Variants in RNF130 observed in about 807,000 individuals in gnomAD.
The protein encoded by RNF130 is ring finger protein 130.
A neutral mutation model predicts 44.6 loss-of-function variants in RNF130; 21 were observed. That is an observed-to-expected ratio of 0.47 (90% confidence interval 0.33 to 0.68). RNF130 has a LOEUF of 0.68. RNF130 is among the 30% of genes least tolerant of loss of function. The pLI is 0.02. For synonymous variants in RNF130, 214 were observed against 210.4 expected, an observed-to-expected ratio of 1.02 and a Z score of -0.15; for missense variants, 479 against 560.6, an observed-to-expected ratio of 0.85 and a Z score of 1.47.
intron 7 of RNF130, among the ~76,000 whole-genome samples, chr5:179,932,251 C>T (rs1761819846): frequency 6.6e-6 from 1 of 152,104 alleles, no homozygotes; most frequent in Non-Finnish European, 1.5e-5. Context: ...CATTTCAAGA[C>T]CTTTAATACA....
chr5:180,029,432 G>C (rs1231729774), intron 2 of RNF130, among the ~76,000 whole-genome samples: 3 of 152,070 alleles, frequency 2.0e-5, no homozygotes, highest in Non-Finnish European at 2.9e-5. Flanking sequence ...CAACAGCCTA[G>C]AAGTTCAAAG....
rs139545452 is a variant in RNF130 at position 179,926,871 on chromosome 5, C to A, written c.1151-6445G>T. Among the ~76,000 whole-genome samples, 316 of 152,170 alleles carry A rather than the reference C, an allele frequency of 2.1e-3. 4 individuals are homozygous for A. Among genetic ancestry groups the A allele is most frequent in the Non-Finnish European group, 3.6e-3 (244 of 68,006 alleles). On this transcript the variant is annotated intron_variant, in intron 7 of 7. Transcript: ENST00000522208. ...CCTGATGCCATTTCCAGGTAGACAG[C>A]GTTGGAACTGAATTGAATTGAGGGA...
intron 1 of RNF130, among the ~76,000 whole-genome samples, chr5:180,069,250 A>C (rs1217704725): frequency 6.6e-6 from 1 of 152,180 alleles, no homozygotes; most frequent in Non-Finnish European, 1.5e-5. Flanking sequence ...GATTTTTTTA[A>C]ATCTGTTTTG....
intron 3 of RNF130, among the ~76,000 whole-genome samples, chr5:179,992,105 C>T (rs1763096318): frequency 6.6e-6 from 1 of 152,186 alleles, no homozygotes; most frequent in Admixed American, 6.5e-5. Context: ...TATCCATGGT[C>T]TAGATCATTG....
chr5:179,931,124 C>T (rs936936779), intron 7 of RNF130, among the ~76,000 whole-genome samples: 1 of 151,748 alleles, frequency 6.6e-6, no homozygotes, highest in Non-Finnish European at 1.5e-5. Flanking sequence ...ACATGGTGAC[C>T]GCATGACTGA....
intron 3 of RNF130, among the ~76,000 whole-genome samples, chr5:180,000,639 T>C (rs1763312834): frequency 2.0e-5 from 3 of 152,242 alleles, no homozygotes; most frequent in African/African-American, 7.2e-5. Flanking sequence ...TATCTTCAAG[T>C]TGAGAGATTC....
intron 1 of RNF130, among the ~76,000 whole-genome samples, chr5:180,060,954 A>G (rs1255226802): frequency 1.3e-5 from 2 of 151,034 alleles, no homozygotes; most frequent in East Asian, 3.9e-4. Context: ...CTGTAGTCCC[A>G]GCTACGCGGG....
chr5:179,979,397 TAGGAA>T (rs1762781094), intron 4 of RNF130, among the ~76,000 whole-genome samples: 2 of 151,382 alleles, frequency 1.3e-5, no homozygotes, highest in African/African-American at 4.9e-5. Flanking sequence ...TGGTAAAACT[TAGGAA>T]GACAGAGAAT....
At chr5:180,065,320 C>T (rs1013385785) in intron 1 of RNF130, among the ~76,000 whole-genome samples, 1 of 152,106 alleles carries the variant, frequency 6.6e-6, no homozygotes, top group Admixed American at 6.6e-5. Flanking sequence ...TGTCTGCATC[C>T]TATCTGGAGT....
chr5:179,991,346 C>T (rs1265398430), intron 3 of RNF130, among the ~76,000 whole-genome samples: 1 of 152,108 alleles, frequency 6.6e-6, no homozygotes, highest in African/African-American at 2.4e-5. Flanking sequence ...ATGTATTTGC[C>T]TGTTAATCTT....
chr5:179,998,553 C>G (rs1032237941), intron 3 of RNF130, among the ~76,000 whole-genome samples: 1 of 152,148 alleles, frequency 6.6e-6, no homozygotes, highest in East Asian at 1.9e-4. Context: ...TCTGCCTCAC[C>G]TTCCCAAGTA....
At chr5:179,997,203 G>A (rs761496485) in intron 3 of RNF130, among the ~76,000 whole-genome samples, 50 of 152,192 alleles carry the variant, frequency 3.3e-4, no homozygotes, top group African/African-American at 6.5e-4. Context: ...GTGCAGTGGC[G>A]TGATCTTGGC....
intron 1 of RNF130, among the ~76,000 whole-genome samples, chr5:180,058,213 A>G (rs1297320791): frequency 1.3e-5 from 2 of 152,324 alleles, no homozygotes; most frequent in East Asian, 3.9e-4. Flanking sequence ...GGCCACACTC[A>G]ACTTCTCCAC....
At chr5:180,025,855 T>C (rs370452824) in intron 2 of RNF130, among the ~76,000 whole-genome samples, 2 of 152,218 alleles carry the variant, frequency 1.3e-5, no homozygotes, top group African/African-American at 4.8e-5. Flanking sequence ...ATTTTCTTGA[T>C]AGGCATTTAG....
At chr5:179,989,398 C>T (rs983621841) in intron 3 of RNF130, among the ~76,000 whole-genome samples, 3 of 152,130 alleles carry the variant, frequency 2.0e-5, no homozygotes, top group Non-Finnish European at 4.4e-5. Flanking sequence ...CCCTTGAGGC[C>T]TAGTAATATT....
chr5:180,007,988 G>GTTTTTTTT (rs371751598), intron 3 of RNF130, among the ~76,000 whole-genome samples: 1 of 129,890 alleles, frequency 7.7e-6, no homozygotes, highest in Non-Finnish European at 1.6e-5. Context: ...AAATCTTTTA[G>GTTTTTTTT]TTTTTTTTTT....
At chr5:180,045,916 A>G (rs1764553267) in intron 1 of RNF130, among the ~76,000 whole-genome samples, 1 of 152,234 alleles carries the variant, frequency 6.6e-6, no homozygotes, top group Non-Finnish European at 1.5e-5. Flanking sequence ...TCAGGAGCCC[A>G]GCTGGCTTCC....
intron 2 of RNF130, among the ~76,000 whole-genome samples, chr5:180,022,931 T>G (rs1346459790): frequency 6.6e-6 from 1 of 152,216 alleles, no homozygotes; most frequent in African/African-American, 2.4e-5. Context: ...CAAGGGAGAT[T>G]CAGGTTGGGA....
chr5:180,042,604 C>T (rs899004462), intron 1 of RNF130, among the ~76,000 whole-genome samples: 2 of 152,174 alleles, frequency 1.3e-5, no homozygotes, highest in African/African-American at 2.4e-5. Context: ...TGACCTGTTA[C>T]GATAATCTCC....
Sources: allele counts gnomAD v4.1 joint callset (sites outside exome capture counted in the v4.1 genomes callset), GRCh38; gene constraint gnomAD v4.1.1; transcripts MANE v1.5; gene names NCBI Gene and HGNC (gene_info 2026-07-23, HGNC 2026-07-21).